The following LMNTD1 variants were observed in gnomAD, a reference collection of about 807,000 sequenced individuals.
LMNTD1 encodes the protein lamin tail domain containing 1, also known as lamin tail domain-containing protein 1.
Under a neutral mutation model 50.9 loss-of-function variants are expected in LMNTD1, and 35 were observed. The observed-to-expected ratio is 0.69, with a 90% CI of 0.53 to 0.91. LMNTD1 has a LOEUF of 0.91. Ranked by LOEUF, LMNTD1 falls within the 40% of genes least tolerant of loss-of-function variation. The probability of loss-of-function intolerance (pLI) is 0.00; values close to 1 mark genes in which losing one functional copy is unlikely to be tolerated. For missense variants in LMNTD1, 470 were observed against 475.5 expected (o/e 0.99, Z 0.11); for synonymous variants, 153 against 161.9 (o/e 0.94, Z 0.42).
At chr12:25,532,672 A>C (rs138440154) in intron 4 of LMNTD1, among the ~76,000 whole-genome samples, 80 of 152,286 alleles carry the variant, frequency 5.3e-4, no homozygotes, top group Middle Eastern at 3.4e-3. Context: ...ACATTGTATG[A>C]GAATGCCTTT....
At chr12:25,636,922 T>C (rs150286167) in intron 1 of LMNTD1, among the ~76,000 whole-genome samples, 1,769 of 151,208 alleles carry the variant, frequency 0.012, 41 homozygotes, top group African/African-American at 0.04. Context: ...CTCACTGATA[T>C]GTGGGAGCTA....
At chr12:25,567,068 T>C (rs1176596883) in intron 1 of LMNTD1, among the ~76,000 whole-genome samples, 2 of 152,188 alleles carry the variant, frequency 1.3e-5, no homozygotes, top group African/African-American at 4.8e-5. Context: ...CTAGGGTGGA[T>C]GACATAGTGT....
chr12:25,488,193 G>A (rs1047979475), intron 9 of LMNTD1, among the ~76,000 whole-genome samples: 5 of 140,228 alleles, frequency 3.6e-5, no homozygotes, highest in African/African-American at 1.0e-4. Context: ...TTGCTAGATT[G>A]GGGAAGTTCT....
chr12:25,567,397 A>G (rs1012468833), intron 1 of LMNTD1, among the ~76,000 whole-genome samples: 1 of 152,228 alleles, frequency 6.6e-6, no homozygotes, highest in Non-Finnish European at 1.5e-5. Flanking sequence ...ATACTATTAC[A>G]CCACTACTAT....
chr12:25,601,624 A>T (rs1248601388), intron 1 of LMNTD1, among the ~76,000 whole-genome samples: 2 of 151,834 alleles, frequency 1.3e-5, no homozygotes, highest in Admixed American at 6.6e-5. Context: ...TTAAAATAAA[A>T]ATTTTTTTTA....
intron 9 of LMNTD1, among the ~76,000 whole-genome samples, chr12:25,495,934 G>C (rs1294897390): frequency 1.3e-5 from 2 of 152,114 alleles, no homozygotes; most frequent in African/African-American, 2.4e-5. Context: ...CACATTTTTG[G>C]CTACTCATGG....
At chr12:25,485,486 C>A (rs1294511369) in intron 9 of LMNTD1, among the ~76,000 whole-genome samples, 2 of 84,928 alleles carry the variant, frequency 2.4e-5, no homozygotes, top group African/African-American at 4.6e-5. Context: ...GTTTCTTTTG[C>A]TGTGCAGAAG....
intron 1 of LMNTD1, among the ~76,000 whole-genome samples, chr12:25,565,753 T>C (rs1944532158): frequency 6.6e-6 from 1 of 152,244 alleles, no homozygotes; most frequent in Non-Finnish European, 1.5e-5. Context: ...GTTCTCCTTT[T>C]AGCATTTCTC....
At chr12:25,562,545 C>T (rs1944378718) in intron 1 of LMNTD1, among the ~76,000 whole-genome samples, 1 of 152,186 alleles carries the variant, frequency 6.6e-6, no homozygotes, top group Admixed American at 6.5e-5. Context: ...GTAACCTGAC[C>T]TTTCTCTCTG....
chr12:25,630,430 G>A (rs924674212), intron 1 of LMNTD1, among the ~76,000 whole-genome samples: 2 of 152,058 alleles, frequency 1.3e-5, no homozygotes, highest in African/African-American at 4.8e-5. Flanking sequence ...CCGAGAAGAC[G>A]CACAGACCCT....
intron 1 of LMNTD1, among the ~76,000 whole-genome samples, chr12:25,644,421 G>C (rs888820032): frequency 6.6e-6 from 1 of 151,910 alleles, no homozygotes; most frequent in African/African-American, 2.4e-5. Context: ...GGAGGTTGAG[G>C]CTGCAGGGTG....
At chr12:25,551,130 A>C (rs1943720126) in intron 2 of LMNTD1, among the ~76,000 whole-genome samples, 1 of 152,246 alleles carries the variant, frequency 6.6e-6, no homozygotes, top group Non-Finnish European at 1.5e-5. Flanking sequence ...TGACTACAAC[A>C]GCAGAGAAAT....
At chr12:25,568,943 T>A (rs1944669285) in intron 1 of LMNTD1, among the ~76,000 whole-genome samples, 3 of 152,240 alleles carry the variant, frequency 2.0e-5, no homozygotes. Context: ...GAACCTCTAC[T>A]AGGGCAACAC....
Position 25,549,549 on chromosome 12 carries a change from G to T in LMNTD1, c.90-3C>A. 5 of 1,526,796 alleles carry T rather than the reference G, an allele frequency of 3.3e-6. No individual in the cohort carries two copies. The highest frequency in any genetic ancestry group is 4.5e-6 in the Non-Finnish European group (5 of 1,113,532). 94.6% of individuals were successfully genotyped at this position (1,526,796 alleles called of 1,614,324 possible). Reference sequence around the variant, plus strand: ...ATACTCCAAGTTTGTCTTCTCTTCTGTGTACAAAAAATATAATATAAATAA... The same window carrying T: ...ATACTCCAAGTTTGTCTTCTCTTCTTTGTACAAAAAATATAATATAAATAA... On this transcript the variant is annotated splice_polypyrimidine_tract_variant and splice_region_variant and intron_variant, in intron 2 of 9. Coordinates refer to ENST00000458174, the MANE Select transcript of LMNTD1 (RefSeq NM_001145728.2).
intron 4 of LMNTD1, among the ~76,000 whole-genome samples, chr12:25,527,693 C>A (rs866972543): frequency 1.0e-5 from 1 of 96,846 alleles, no homozygotes; most frequent in African/African-American, 3.8e-5. Context: ...CACACACACA[C>A]ACACACACAC....
At chr12:25,498,071 G>C (rs764145100) in intron 9 of LMNTD1, among the ~76,000 whole-genome samples, 8 of 152,014 alleles carry the variant, frequency 5.3e-5, no homozygotes, top group Non-Finnish European at 8.8e-5. Context: ...AATTTAAATA[G>C]AGCTACAAGG....
intron 1 of LMNTD1, among the ~76,000 whole-genome samples, chr12:25,567,132 A>G (rs1291158769): frequency 1.3e-5 from 2 of 152,226 alleles, no homozygotes; most frequent in African/African-American, 4.8e-5. Context: ...AAAGATGTGA[A>G]AAACCAGACA....
intron 9 of LMNTD1, among the ~76,000 whole-genome samples, chr12:25,497,282 C>T (rs1027610884): frequency 1.3e-5 from 2 of 152,098 alleles, no homozygotes; most frequent in African/African-American, 4.8e-5. Flanking sequence ...ACCGGCCCCT[C>T]CTCTTCCTGT....
chr12:25,603,283 A>C (rs1374261902), intron 1 of LMNTD1, among the ~76,000 whole-genome samples: 2 of 152,068 alleles, frequency 1.3e-5, no homozygotes, highest in African/African-American at 4.8e-5. Flanking sequence ...AAATGTTTGA[A>C]AAATAGTTAT....
Sources: gnomAD v4.1 joint callset for allele counts (sites outside exome capture counted in the v4.1 genomes callset) on GRCh38, gnomAD v4.1.1 for gene constraint, MANE v1.5 for transcripts, NCBI Gene and HGNC (gene_info 2026-07-23, HGNC 2026-07-21) for gene names.